Variants in DAB1 observed in about 807,000 individuals in gnomAD.
DAB1 encodes the protein disabled homolog 1.
Under a neutral mutation model 64.6 loss-of-function variants are expected in DAB1, and 15 were observed. That is an observed-to-expected ratio of 0.23 (90% confidence interval 0.16 to 0.36). The LOEUF is 0.36. DAB1 is among the 10% of genes least tolerant of loss of function. The pLI, the probability that DAB1 is intolerant of heterozygous loss-of-function variation, is 1.00. For synonymous variants in DAB1, 235 were observed against 251.9 expected (o/e 0.93, Z 0.64); for missense variants, 596 against 706.7 (o/e 0.84, Z 1.78).
intron 6 of DAB1, among the ~76,000 whole-genome samples, chr1:57,658,120 A>G (rs138159770): frequency 1.3e-5 from 2 of 152,292 alleles, no homozygotes; most frequent in African/African-American, 4.8e-5. Context: ...GAGAACACAC[A>G]TGGGGCCACC....
intron 2 of DAB1, among the ~76,000 whole-genome samples, chr1:57,213,773 A>G (rs909083951): frequency 2.6e-5 from 4 of 152,180 alleles, no homozygotes; most frequent in Non-Finnish European, 4.4e-5. Flanking sequence ...GAACATTTCA[A>G]TATTTCACCA....
At chr1:57,506,251 T>C (rs1644342029) in intron 7 of DAB1, among the ~76,000 whole-genome samples, 1 of 152,178 alleles carries the variant, frequency 6.6e-6, no homozygotes, top group South Asian at 2.1e-4. Context: ...TGGAGCTTTA[T>C]TTATAGTCTC....
At chr1:57,776,537 T>A (rs886697414) in intron 6 of DAB1, among the ~76,000 whole-genome samples, 1 of 151,832 alleles carries the variant, frequency 6.6e-6, no homozygotes, top group Non-Finnish European at 1.5e-5. Flanking sequence ...ATCTTTTAGA[T>A]TAAGTATTTT....
At chr1:57,603,805 T>G (rs1205228328) in intron 7 of DAB1, among the ~76,000 whole-genome samples, 1 of 152,222 alleles carries the variant, frequency 6.6e-6, no homozygotes, top group East Asian at 1.9e-4. Context: ...GCCATGCTTC[T>G]GACACACCCC....
intron 1 of DAB1, among the ~76,000 whole-genome samples, chr1:57,349,510 G>GA (rs936744544): frequency 3.3e-5 from 5 of 151,654 alleles, no homozygotes; most frequent in South Asian, 2.1e-4. Flanking sequence ...ATAAGTAAGG[G>GA]AAAAAAAAGG....
intron 3 of DAB1, among the ~76,000 whole-genome samples, chr1:58,372,090 T>C (rs1019476825): frequency 3.7e-4 from 56 of 152,210 alleles, no homozygotes; most frequent in African/African-American, 1.3e-3. Context: ...CACCCCAAAA[T>C]GGTAGATCCA....
chr1:57,631,062 C>A (rs957599911), intron 7 of DAB1, among the ~76,000 whole-genome samples: 1 of 152,180 alleles, frequency 6.6e-6, no homozygotes, highest in Middle Eastern at 3.4e-3. Context: ...TCAGAGCCAC[C>A]AACTACACAT....
intron 6 of DAB1, among the ~76,000 whole-genome samples, chr1:57,744,038 G>A (rs143534813): frequency 5.3e-5 from 8 of 152,284 alleles, no homozygotes; most frequent in Admixed American, 1.3e-4. Context: ...CCTCATTCTC[G>A]TAAACCCACA....
At chr1:58,223,584 TG>T (rs36100872) in intron 4 of DAB1, among the ~76,000 whole-genome samples, 2 of 152,278 alleles carry the variant, frequency 1.3e-5, no homozygotes, top group South Asian at 4.1e-4. Flanking sequence ...ACACAGGAGT[TG>T]GGGAGGATGG....
intron 4 of DAB1, among the ~76,000 whole-genome samples, chr1:58,339,771 T>C (rs577184831): frequency 6.6e-6 from 1 of 152,348 alleles, no homozygotes; most frequent in African/African-American, 2.4e-5. Flanking sequence ...TTAAGATAAT[T>C]TTCCAAACAG....
intron 4 of DAB1, among the ~76,000 whole-genome samples, chr1:57,124,425 T>G (rs191282461): frequency 5.5e-4 from 83 of 152,272 alleles, no homozygotes; most frequent in Non-Finnish European, 9.4e-4. Flanking sequence ...GTTGGAGCCA[T>G]TTATATGGAA....
At chr1:57,826,273 A>G (rs1652346210) in exon 2 of DAB1, 1 of 152,256 alleles carries the variant, frequency 6.6e-6, no homozygotes, top group African/African-American at 2.4e-5. Context: ...GTATATAGAT[A>G]GTTATCTCCA....
intron 4 of DAB1, among the ~76,000 whole-genome samples, chr1:58,284,250 C>A (rs2100443027): frequency 6.6e-6 from 1 of 152,368 alleles, no homozygotes; most frequent in African/African-American, 2.4e-5. Context: ...TAGCTTGACA[C>A]TGGGGCTTCT....
At chr1:57,103,380 T>G in intron 4 of DAB1, among the ~76,000 whole-genome samples, 1 of 152,172 alleles carries the variant, frequency 6.6e-6, no homozygotes, top group Non-Finnish European at 1.5e-5. Flanking sequence ...GGGCTAGATC[T>G]CACTGACTGG....
chr1:57,319,314 G>T (rs1018530955), intron 1 of DAB1, among the ~76,000 whole-genome samples: 1 of 152,120 alleles, frequency 6.6e-6, no homozygotes, highest in African/African-American at 2.4e-5. Context: ...GCTGAGGATT[G>T]GGGGAGGGCA....
At chr1:58,217,632 T>A (rs1292004854) in intron 4 of DAB1, among the ~76,000 whole-genome samples, 2 of 152,226 alleles carry the variant, frequency 1.3e-5, no homozygotes, top group Non-Finnish European at 2.9e-5. Context: ...TTAATCTTTA[T>A]AACCGCACTG....
chr1:58,007,593 C>T (rs913150190), intron 5 of DAB1, among the ~76,000 whole-genome samples: 3 of 152,290 alleles, frequency 2.0e-5, no homozygotes, highest in African/African-American at 7.2e-5. Context: ...TGTTTGGCAT[C>T]ATCCTTCCAG....
At position 58,130,525 on chromosome 1, in the gene DAB1, G is replaced by A. The variant is rs370817257; in HGVS notation, n.387+19986C>T. ...ATGATGTTAGCTGGTGATTTTGCTC[G>A]TTAGTTGATGCAGTTTCTTCCTAGT... On this transcript the variant is annotated intron_variant and non_coding_transcript_variant, in intron 5 of 20. Transcript: ENST00000485760. Among the ~76,000 whole-genome samples, 680 of 152,090 alleles carry A rather than the reference G, an allele frequency of 4.5e-3. 4 individuals are homozygous for A. Among genetic ancestry groups the A allele is most frequent in the African/African-American group, 0.012 (501 of 41,486 alleles).
intron 1 of DAB1, among the ~76,000 whole-genome samples, chr1:57,396,809 G>T (rs1172933816): frequency 6.6e-6 from 1 of 152,114 alleles, no homozygotes; most frequent in Non-Finnish European, 1.5e-5. Context: ...GTAAGTCCAG[G>T]CCTCAGCTCC....
Sources: gnomAD v4.1 joint callset for allele counts (sites outside exome capture counted in the v4.1 genomes callset) on GRCh38, gnomAD v4.1.1 for gene constraint, MANE v1.5 for transcripts, NCBI Gene and HGNC (gene_info 2026-07-23, HGNC 2026-07-21) for gene names.